SLIT3: variants seen among roughly 807,000 people sequenced by gnomAD.
The protein encoded by SLIT3 is slit guidance ligand 3, also known as slit homolog 3 protein.
Under a neutral mutation model 184.0 loss-of-function variants are expected in SLIT3, and 68 were observed. The observed-to-expected ratio is 0.37, with a 90% CI of 0.30 to 0.45. The LOEUF (loss-of-function observed/expected upper bound fraction) is 0.45, where lower values mean the gene tolerates loss of function less well. SLIT3 is among the 20% of genes least tolerant of loss of function. SLIT3 has a pLI of 1.00. For missense variants in SLIT3, 1,707 were observed against 2,026.0 expected, an observed-to-expected ratio of 0.84 and a Z score of 3.02; for synonymous variants, 831 against 828.6, an observed-to-expected ratio of 1.00 and a Z score of -0.05.
At chr5:168,831,549 C>T (rs538244865) in intron 6 of SLIT3, among the ~76,000 whole-genome samples, 1 of 152,350 alleles carries the variant, frequency 6.6e-6, no homozygotes, top group South Asian at 2.1e-4. Flanking sequence ...GGGCCTTATT[C>T]ACTGACGTAT....
At chr5:169,257,358 C>T (rs1765993372) in intron 1 of SLIT3, among the ~76,000 whole-genome samples, 1 of 149,142 alleles carries the variant, frequency 6.7e-6, no homozygotes, top group Non-Finnish European at 1.5e-5. Context: ...TTTGGATCCC[C>T]ACAGCCCCCC....
intron 4 of SLIT3, among the ~76,000 whole-genome samples, chr5:168,895,216 C>G (rs11742567): frequency 0.35 from 52,935 of 151,910 alleles, 9,847 homozygotes; most frequent in East Asian, 0.6. Flanking sequence ...CCGGATCTAC[C>G]TAACCCTAAC....
Position 169,215,945 on chromosome 5 carries a change from G to A in SLIT3, c.342-22395C>T, listed in dbSNP as rs1764421447. On this transcript the variant is annotated intron_variant, in intron 3 of 35. Transcript: ENST00000519560. Reference sequence around the variant, plus strand: ...TTTTACATTGATTAATTTATTTCATGCTCAAAATAACCTATGATAGTTCAA... The same window carrying A: ...TTTTACATTGATTAATTTATTTCATACTCAAAATAACCTATGATAGTTCAA... 1.3e-5 allele frequency among the ~76,000 whole-genome samples: 2 copies of A among 152,260 alleles called. 1 individual carries two copies. Among genetic ancestry groups the A allele is most frequent in the Middle Eastern group, 6.8e-3 (2 of 294 alleles).
intron 4 of SLIT3, among the ~76,000 whole-genome samples, chr5:169,167,123 T>C (rs1302086918): frequency 1.3e-5 from 2 of 151,902 alleles, no homozygotes; most frequent in African/African-American, 4.8e-5. Context: ...TGAGCTATGG[T>C]TGTGCCACTG....
At chr5:168,671,127 T>G in intron 34 of SLIT3, 71 bp downstream of exon 34, 1 of 1,524,268 alleles carries the variant, frequency 6.6e-7, no homozygotes, top group Non-Finnish European at 8.9e-7. Flanking sequence ...AGTGCCTATT[T>G]CTCAGGTGGG....
chr5:168,812,831 G>A (rs1170943762), intron 8 of SLIT3, among the ~76,000 whole-genome samples: 1 of 152,040 alleles, frequency 6.6e-6, no homozygotes, highest in East Asian at 1.9e-4. Context: ...CTAAGGAGAT[G>A]GGTGGCTGGT....
chr5:168,747,925 G>T (rs1181820962), intron 20 of SLIT3, among the ~76,000 whole-genome samples: 1 of 152,132 alleles, frequency 6.6e-6, no homozygotes, highest in African/African-American at 2.4e-5. Flanking sequence ...ATCCTGCACT[G>T]CTGCCGGGAT....
chr5:169,217,130 TAAAAA>T (rs55757348), intron 3 of SLIT3, among the ~76,000 whole-genome samples: 5 of 126,944 alleles, frequency 3.9e-5, no homozygotes, highest in East Asian at 2.6e-4. Flanking sequence ...TTGAGTAGGT[TAAAAA>T]AAAAAAAAAA....
At chr5:168,950,363 G>A (rs1762611912) in intron 4 of SLIT3, among the ~76,000 whole-genome samples, 1 of 152,152 alleles carries the variant, frequency 6.6e-6, no homozygotes, top group African/African-American at 2.4e-5. Context: ...CCAGTCTATG[G>A]TATTTTATTA....
At position 168,772,835 on chromosome 5, in the gene SLIT3, G is replaced by C; in HGVS notation, c.1405C>G (p.Arg469Gly). The change falls in exon 14 of 36, where the codon CGA (arginine) becomes GGA (glycine). Residue 469 changes from arginine (R) to glycine (G), a missense_variant. Transcript: ENST00000519560. ...TGGCTGATGCGCTTGTTGGCGAGTC[G>C]GCGCGGGCTGCTGCAGCGGGCCCCG... ...TSGARCSSPR[R>G]LANKRISQIK... 1.2e-6 allele frequency: 2 copies of C among 1,614,100 alleles called. No homozygotes were observed. The highest frequency in any genetic ancestry group is 1.7e-5 in the Admixed American group (1 of 60,012).
At chr5:169,152,215 A>G (rs145798332) in intron 4 of SLIT3, among the ~76,000 whole-genome samples, 39 of 152,332 alleles carry the variant, frequency 2.6e-4, no homozygotes, top group African/African-American at 9.4e-4. Flanking sequence ...AAACCACAGC[A>G]CACACAAATT....
At chr5:168,723,053 G>A (rs1352764411) in intron 21 of SLIT3, 49 bp from the exon 22 acceptor site, 1 of 1,386,938 alleles carries the variant, frequency 7.2e-7, no homozygotes, top group Non-Finnish European at 1.0e-6. Flanking sequence ...AGTTGCATCT[G>A]TAGGAGGCCA....
chr5:169,110,744 C>T (rs149497577), intron 4 of SLIT3, among the ~76,000 whole-genome samples: 6 of 152,322 alleles, frequency 3.9e-5, no homozygotes, highest in African/African-American at 1.2e-4. Context: ...TTATTTCTCA[C>T]CTGGACTATT....
At chr5:169,148,721 T>A (rs1192171989) in intron 4 of SLIT3, among the ~76,000 whole-genome samples, 1 of 152,224 alleles carries the variant, frequency 6.6e-6, no homozygotes, top group Non-Finnish European at 1.5e-5. Context: ...TGGTGCTCAG[T>A]ATAAAATGTA....
chr5:169,199,784 T>A (rs1406820502), intron 3 of SLIT3, among the ~76,000 whole-genome samples: 1 of 152,194 alleles, frequency 6.6e-6, no homozygotes, highest in Non-Finnish European at 1.5e-5. Flanking sequence ...AATTCTTAAT[T>A]TAGCCCTTCA....
chr5:169,198,976 A>ACAC (rs1554106510), intron 3 of SLIT3, among the ~76,000 whole-genome samples: 1 of 149,218 alleles, frequency 6.7e-6, no homozygotes, highest in African/African-American at 2.5e-5. Flanking sequence ...ACACACACAC[A>ACAC]TATGTGTGTA....
intron 32 of SLIT3, among the ~76,000 whole-genome samples, chr5:168,676,754 G>A (rs1761423423): frequency 6.6e-6 from 1 of 152,244 alleles, no homozygotes; most frequent in South Asian, 2.1e-4. Context: ...GTCAGAAAGG[G>A]AGTTGTCAAG....
At chr5:168,858,566 C>T (rs1398334398) in intron 5 of SLIT3, among the ~76,000 whole-genome samples, 2 of 152,234 alleles carry the variant, frequency 1.3e-5, no homozygotes, top group African/African-American at 4.8e-5. Context: ...TGGACTCTAT[C>T]CACAAACTCC....
chr5:168,941,211 C>T (rs931156715), intron 4 of SLIT3, among the ~76,000 whole-genome samples: 2 of 152,048 alleles, frequency 1.3e-5, no homozygotes, highest in Admixed American at 1.3e-4. Flanking sequence ...TTCTTGTCTC[C>T]TGTCTACCCA....
Sources: gnomAD v4.1 joint callset for allele counts (sites outside exome capture counted in the v4.1 genomes callset) on GRCh38, gnomAD v4.1.1 for gene constraint, MANE v1.5 for transcripts, NCBI Gene and HGNC (gene_info 2026-07-23, HGNC 2026-07-21) for gene names.